The following SCPEP1 variants were observed in gnomAD, a reference collection of about 807,000 sequenced individuals.
The protein encoded by SCPEP1 is retinoid-inducible serine carboxypeptidase.
SCPEP1 carries 51 observed loss-of-function variants against 63.8 expected under a neutral mutation model. That is an observed-to-expected ratio of 0.80 (90% confidence interval 0.64 to 1.01). The LOEUF (loss-of-function observed/expected upper bound fraction) is 1.01. SCPEP1 is among the 50% of genes least tolerant of loss of function. The probability of loss-of-function intolerance (pLI) is 0.00; values close to 1 mark genes in which losing one functional copy is unlikely to be tolerated. For synonymous variants in SCPEP1, 204 were observed against 207.8 expected, an observed-to-expected ratio of 0.98 and a Z score of 0.16; for missense variants, 499 against 554.9, an observed-to-expected ratio of 0.90 and a Z score of 1.01.
chr17:56,995,485 T>G (rs1911518777), intron 7 of SCPEP1, 22 bp from the exon 8 acceptor site: 3 of 1,605,990 alleles, frequency 1.9e-6, no homozygotes, highest in Admixed American at 1.7e-5. Flanking sequence ...GTGGGTCTTT[T>G]TGCTCTTGGT....
intron 7 of SCPEP1, 43 bp from the exon 8 acceptor site, chr17:56,995,464 T>C: frequency 6.3e-7 from 1 of 1,598,512 alleles, no homozygotes; most frequent in Non-Finnish European, 8.5e-7. Flanking sequence ...AGATTGACGT[T>C]CCCAAGTAAA....
intron 6 of SCPEP1, among the ~76,000 whole-genome samples, chr17:56,994,065 A>T (rs1200703350): frequency 6.6e-6 from 1 of 152,192 alleles, no homozygotes; most frequent in African/African-American, 2.4e-5. Flanking sequence ...GGCCAGGTGT[A>T]GTGGCTCACA....
intron 11 of SCPEP1, among the ~76,000 whole-genome samples, chr17:57,001,653 C>G (rs1911742208): frequency 6.9e-6 from 1 of 145,822 alleles, no homozygotes; most frequent in Admixed American, 6.8e-5. Context: ...CGATGAACAT[C>G]CCAGGTGATC....
Position 56,985,398 on chromosome 17 carries a change from CA to C in SCPEP1, c.247del (p.Thr83LeufsTer43). 6.2e-7 allele frequency: 1 copy of C among 1,614,106 alleles called. No homozygotes were observed. Among genetic ancestry groups the C allele is most frequent in the Non-Finnish European group, 8.5e-7 (1 of 1,179,958 alleles). On this transcript the variant is annotated frameshift_variant, in exon 3 of 13. Transcript: ENST00000262288. LOFTEE classifies it high-confidence loss of function. ...WLQGGPGGSS[T>X]GFGNFEEIGP... ...CATAGGGCGGTCCAGGCGGTTCTAG[CA>C]CTGGATTTGGAAACTTTGAGGAAAT...
chr17:56,985,559 C>G (rs1291990389), intron 3 of SCPEP1, 92 bp downstream of exon 3: 3 of 920,682 alleles, frequency 3.3e-6, no homozygotes, highest in Non-Finnish European at 5.3e-6. Context: ...GTAGCAATCC[C>G]TCGCTGTCCT....
rs1911720576 is a variant in SCPEP1, at chr17:57,000,906, T to G, written c.1046T>G (p.Val349Gly). The part of the protein sequence containing the change: ...VNMEEDFMKP[V>G]ISIVDELLEA... ...ATGGAGGAGGACTTCATGAAGCCAG[T>G]CATTAGCATTGTGGACGAGTTGCTG... is the stretch of plus-strand genomic sequence containing the variant. The change falls in exon 11 of 13, where the codon GTC becomes GGC. Residue 349 changes from valine to glycine, a missense_variant. Physicochemically the swap from Val to Gly is moderately radical, Grantham distance 109. Transcript: ENST00000262288. 2 of 1,614,048 alleles carry G rather than the reference T, an allele frequency of 1.2e-6. No individual in the cohort carries two copies. The highest frequency in any genetic ancestry group is 1.3e-5 in the African/African-American group (1 of 74,924).
At chr17:56,999,663 A>T (rs1399104870) in intron 10 of SCPEP1, among the ~76,000 whole-genome samples, 2 of 152,122 alleles carry the variant, frequency 1.3e-5, no homozygotes, top group African/African-American at 4.8e-5. Context: ...AATTTTAGAA[A>T]TGAAGAAAAA....
In SCPEP1 at chr17:56,993,115, T is replaced by C. The variant is rs568850806; in HGVS notation, c.620-1866T>C. 1.4e-4 allele frequency among the ~76,000 whole-genome samples: 21 copies of C among 152,322 alleles called. 1 individual carries two copies. In the East Asian group the frequency reaches 3.7e-3, roughly 27 times the overall value. On this transcript the variant is annotated intron_variant, in intron 6 of 12. Transcript: ENST00000262288. ...AAAAGATACACAGATAAGCTCCTGA[T>C]CTTCAAGAAGGTCTTGATCTGCACT...
chr17:56,982,046 T>C (rs971659896), intron 2 of SCPEP1, among the ~76,000 whole-genome samples: 5 of 152,150 alleles, frequency 3.3e-5, no homozygotes, highest in African/African-American at 1.2e-4. Context: ...TGAGCTCTGA[T>C]TGTAGGATGG....
At chr17:56,985,526 C>T (rs757733464) in intron 3 of SCPEP1, 59 bp downstream of exon 3, 2 of 1,308,424 alleles carry the variant, frequency 1.5e-6, no homozygotes, top group Non-Finnish European at 1.1e-6. Context: ...AGGCCCTGCC[C>T]AACTCTGGGA....
intron 12 of SCPEP1, among the ~76,000 whole-genome samples, chr17:57,005,379 C>T (rs1046422965): frequency 7.2e-5 from 11 of 152,202 alleles, no homozygotes; most frequent in African/African-American, 2.7e-4. Flanking sequence ...CAGTTGGGGA[C>T]AGGCTTAAAA....
chr17:57,006,279 G>C lies in SCPEP1; in HGVS notation c.*44G>C, dbSNP rs1911890807. On this transcript the variant is annotated 3_prime_UTR_variant, in exon 13 of 13. Transcript: ENST00000262288. ...TGAGCTGGTTTGGCCTTGGGGCACA[G>C]AGCTGAGCTGAGGCCGCTGAAGCTG... The C allele has an allele frequency of 2.7e-6, 4 of 1,483,020 alleles. No homozygotes were observed. The highest frequency in any genetic ancestry group is 3.7e-6 in the Non-Finnish European group (4 of 1,083,120). The allele number at this position is 1,483,020 out of a possible 1,614,324, so 91.9% of individuals were successfully genotyped here. A position where few individuals can be genotyped will look rare whatever the true frequency, so the allele number is the denominator to read the frequency against.
chr17:56,987,877 G>A, intron 4 of SCPEP1, 27 bp downstream of exon 4: 3 of 1,612,082 alleles, frequency 1.9e-6, no homozygotes, highest in Non-Finnish European at 2.5e-6. Flanking sequence ...GAACAGCTAA[G>A]TAAAGGGCTG....
At position 57,006,392 on chromosome 17, in the gene SCPEP1, C is replaced by T. The variant is rs1302873041; in HGVS notation, c.*157C>T. On this transcript the variant is annotated 3_prime_UTR_variant, in exon 13 of 13. Transcript: ENST00000262288. ...TCTGCAGAGGATAAAATCATTGTCT[C>T]TGGAGGCAATTTGGAAATTATTTCT... 1.3e-5 allele frequency: 6 copies of T among 458,268 alleles called. No individual in the cohort carries two copies. The highest frequency in any genetic ancestry group is 1.2e-4 in the African/African-American group (6 of 49,804). 28.4% of individuals were successfully genotyped at this position (458,268 alleles called of 1,614,324 possible).
Position 56,988,305 on chromosome 17 carries a change from CTT to C in SCPEP1, c.546+17_546+18del, listed in dbSNP as rs780696333. The stretch of plus-strand genomic sequence containing the variant: ...AGCTTTATAAGGTAATGGAAAATAA[CTT>C]TGTTGTTATGGTTTTGGACAGAAAA... On this transcript the variant is annotated intron_variant, in intron 5 of 12. Transcript: ENST00000262288. The C allele has an allele frequency of 6.0e-5, 95 of 1,593,124 alleles. No homozygotes were observed. Among genetic ancestry groups the C allele is most frequent in the Non-Finnish European group, 7.8e-5 (91 of 1,164,784 alleles).
intron 9 of SCPEP1, 46 bp downstream of exon 9, chr17:56,997,101 G>A (rs1567868433): frequency 2.6e-6 from 3 of 1,156,896 alleles, no homozygotes; most frequent in Non-Finnish European, 3.7e-6. Flanking sequence ...CAGCCTCCAT[G>A]CAAAAAGAAA....
intron 2 of SCPEP1, 131 bp downstream of exon 2, chr17:56,981,361 G>A (rs1228616204): frequency 1.1e-6 from 1 of 948,740 alleles, no homozygotes; most frequent in Non-Finnish European, 1.6e-6. Context: ...TGGGGGTTCG[G>A]CGTGCTTCTG....
At chr17:56,995,783 G>A in intron 8 of SCPEP1, 148 bp downstream of exon 8, 1 of 853,178 alleles carries the variant, frequency 1.2e-6, no homozygotes, top group Non-Finnish European at 1.6e-6. Context: ...AATCTCTTGG[G>A]TCTAAGCAGT....
At chr17:56,999,897 G>T (rs931987378) in intron 10 of SCPEP1, among the ~76,000 whole-genome samples, 1 of 151,682 alleles carries the variant, frequency 6.6e-6, no homozygotes, top group African/African-American at 2.4e-5. Context: ...TGGGGGAATC[G>T]CTTGAACCCG....
Sources: allele counts gnomAD v4.1 joint callset (sites outside exome capture counted in the v4.1 genomes callset), GRCh38; gene constraint gnomAD v4.1.1; transcripts MANE v1.5; gene names NCBI Gene and HGNC (gene_info 2026-07-23, HGNC 2026-07-21).